ZBTB25: variants seen among roughly 807,000 people sequenced by gnomAD.
ZBTB25 encodes zinc finger and BTB domain containing 25, also known as zinc finger and BTB domain-containing protein 25.
In ZBTB25, 20 loss-of-function variants were observed where a neutral mutation model predicts 34.2. The ratio of observed to expected loss-of-function variants is 0.58; its 90% CI spans 0.41 to 0.85. ZBTB25 has a LOEUF of 0.85. Among genes scored for constraint, ZBTB25 ranks in the 40% least tolerant of loss-of-function variants. The pLI is 0.00. For synonymous variants in ZBTB25, 175 were observed against 186.4 expected, an observed-to-expected ratio of 0.94 and a Z score of 0.50; for missense variants, 437 against 521.8, an observed-to-expected ratio of 0.84 and a Z score of 1.58.
At chr14:64,477,965 C>T (rs1276162920), downstream of ZBTB25, 1 of 152,278 alleles carries the variant, frequency 6.6e-6, no homozygotes, top group Non-Finnish European at 1.5e-5. Context: ...GTTTCCAGGA[C>T]AGTGGGAACA....
At chr14:64,457,949 C>T (rs1294063225) in intron 2 of ZBTB25, 3 of 559,492 alleles carry the variant, frequency 5.4e-6, no homozygotes, top group African/African-American at 3.8e-5. Flanking sequence ...CCCAGGCAAT[C>T]GGATGATCAT....
At chr14:64,457,460 T>A (rs1325386175) in intron 2 of ZBTB25, among the ~76,000 whole-genome samples, 1 of 92,250 alleles carries the variant, frequency 1.1e-5, no homozygotes, top group African/African-American at 4.1e-5. Context: ...TTTCTTTTCC[T>A]TTTTTTTTTT....
At chr14:64,468,817 T>C (rs1566587105) in intron 2 of ZBTB25, 4 of 1,614,174 alleles carry the variant, frequency 2.5e-6, no homozygotes, top group Non-Finnish European at 3.4e-6. Flanking sequence ...GGAGTAATCA[T>C]TCCAAAATTA....
chr14:64,501,942 C>A (rs2079511555), intron 1 of ZBTB25, among the ~76,000 whole-genome samples: 1 of 152,220 alleles, frequency 6.6e-6, no homozygotes, highest in African/African-American at 2.4e-5. Context: ...CATTCCCTTC[C>A]CGGCTGAAAC....
In ZBTB25 at chr14:64,485,971, AT is replaced by A. The variant is rs1380895721; in HGVS notation, c.*951del. ...GTGTATATCTTACTGTTTCTTAAAT[AT>A]TTTTTAATGTCTCTCTGACTCTTCT... On this transcript the variant is annotated 3_prime_UTR_variant, in exon 3 of 3. Coordinates refer to ENST00000608382, the MANE Select transcript of ZBTB25 (RefSeq NM_006977.5). 1.0e-6 allele frequency: 1 copy of A among 984,330 alleles called. No homozygotes were observed. Among genetic ancestry groups the A allele is most frequent in the East Asian group, 1.1e-4 (1 of 8,810 alleles). The allele number at this position is 984,330 out of a possible 1,614,324, so 61.0% of individuals were successfully genotyped here. A position where few individuals can be genotyped will look rare whatever the true frequency, so the allele number is the denominator to read the frequency against.
At chr14:64,453,933 C>T (rs926129922) in intron 2 of ZBTB25, 25 of 919,864 alleles carry the variant, frequency 2.7e-5, no homozygotes, top group Admixed American at 1.1e-4. Flanking sequence ...TCTGGGTCCT[C>T]CCAGCCCTGC....
chr14:64,468,134 T>G (rs1473517316), intron 2 of ZBTB25: 1 of 246,170 alleles, frequency 4.1e-6, no homozygotes, highest in East Asian at 8.2e-5. Flanking sequence ...CTCATCAGGT[T>G]GATCTTTAAA....
intron 2 of ZBTB25, among the ~76,000 whole-genome samples, chr14:64,465,320 A>C (rs2078598964): frequency 6.6e-6 from 1 of 151,768 alleles, no homozygotes; most frequent in South Asian, 2.1e-4. Flanking sequence ...GCGGAGCACG[A>C]TGGGCTTCCC....
chr14:64,475,366 G>A (rs1046457928), downstream of ZBTB25, among the ~76,000 whole-genome samples: 1 of 151,956 alleles, frequency 6.6e-6, no homozygotes, highest in Non-Finnish European at 1.5e-5. Flanking sequence ...GTGAACCCGG[G>A]AGGCAGAGCT....
chr14:64,486,914 G>C lies in ZBTB25; in HGVS notation c.*9C>G, dbSNP rs370702344. 2.6e-6 allele frequency: 4 copies of C among 1,540,386 alleles called. No individual in the cohort carries two copies. Among genetic ancestry groups the C allele is most frequent in the South Asian group, 1.2e-5 (1 of 81,592 alleles). On this transcript the variant is annotated 3_prime_UTR_variant, in exon 3 of 3. Transcript: ENST00000608382. ...CAGAATTGGTATAAAAATTCTGAAA[G>C]AGAAGCTGCTACTCAACTAGGATAG...
At chr14:64,449,866 G>A (rs1430741560) in intron 2 of ZBTB25, among the ~76,000 whole-genome samples, 1 of 152,226 alleles carries the variant, frequency 6.6e-6, no homozygotes, top group Admixed American at 6.5e-5. Context: ...TCAGCTCACT[G>A]CAACCTCTGC....
rs1037139780 is a variant in ZBTB25, at chr14:64,487,004, C to A, written c.1227G>T (p.Leu409Phe). Residue 409 changes from leucine (L) to phenylalanine (F), a missense_variant, in exon 3 of 3, where the codon TTG (leucine) becomes TTT (phenylalanine). Physicochemically the swap from Leu to Phe is conservative, Grantham distance 22 (BLOSUM62 0). Transcript: ENST00000608382. ...AAGGCAAGTCTAAGTGTTCTTGTGA[C>A]AAGCGAGAACTTTTCAGGGAGACAT... Reference protein sequence around the residue: ...WSDVSLKSSRLSQEHLDLPCA... With the variant: ...WSDVSLKSSRFSQEHLDLPCA... The A allele has an allele frequency of 6.2e-7, 1 of 1,614,164 alleles. No homozygotes were observed. Among genetic ancestry groups the A allele is most frequent in the Non-Finnish European group, 8.5e-7 (1 of 1,180,040 alleles).
intron 2 of ZBTB25, chr14:64,461,539 T>A (rs1437399445): frequency 1.3e-5 from 2 of 151,164 alleles, no homozygotes; most frequent in East Asian, 3.9e-4. Flanking sequence ...AGGCCCTGTT[T>A]GCAGAGTTAA....
chr14:64,457,546 C>A (rs1290052024), intron 2 of ZBTB25, among the ~76,000 whole-genome samples: 2 of 151,760 alleles, frequency 1.3e-5, no homozygotes, highest in Non-Finnish European at 2.9e-5. Flanking sequence ...ACCTCCGCCT[C>A]CCAGGTTCAA....
chr14:64,493,133 A>C (rs950042616), intron 1 of ZBTB25, among the ~76,000 whole-genome samples: 4 of 152,252 alleles, frequency 2.6e-5, no homozygotes, highest in Non-Finnish European at 4.4e-5. Context: ...GTCAGTTCAA[A>C]AAGCATACAG....
At chr14:64,504,138 G>GAGGGCGCGGGGCCAGGGAGGCC (rs1226947623), upstream of ZBTB25, 50 of 152,990 alleles carry the variant, frequency 3.3e-4, no homozygotes, top group Non-Finnish European at 6.8e-4. Context: ...GGGAAGGGAT[G>GAGGGCGCGGGGCCAGGGAGGCC]AGGGCGCGGG....
At position 64,492,395 on chromosome 14, in the gene ZBTB25, C is replaced by T. The variant is rs1002355652; in HGVS notation, c.-7-1855G>A. Among the ~76,000 whole-genome samples the T allele has an allele frequency of 2.0e-5, 3 of 151,750 alleles. 1 individual carries two copies. The South Asian group carries it at 6.2e-4, about 32-fold the overall frequency. On this transcript the variant is annotated intron_variant, in intron 1 of 2. Transcript: ENST00000608382. The stretch of plus-strand genomic sequence containing the variant: ...CTAATTTTTGTATTTTTAGTAGAGA[C>T]GGGAGTTCACCATGTTGGCCAGGCT...
chr14:64,464,023 C>T (rs2078584752), intron 2 of ZBTB25, among the ~76,000 whole-genome samples: 1 of 151,834 alleles, frequency 6.6e-6, no homozygotes, highest in Non-Finnish European at 1.5e-5. Context: ...GCTGAGTGAA[C>T]AAGGCTGACT....
At chr14:64,503,307 C>G (rs969196822) in intron 1 of ZBTB25, 99 of 985,306 alleles carry the variant, frequency 1.0e-4, no homozygotes, top group Non-Finnish European at 1.2e-4. Flanking sequence ...TCGGCGCTAC[C>G]CGAGGGAGGC....
Sources: allele counts gnomAD v4.1 joint callset (sites outside exome capture counted in the v4.1 genomes callset), GRCh38; gene constraint gnomAD v4.1.1; transcripts MANE v1.5; gene names NCBI Gene and HGNC (gene_info 2026-07-23, HGNC 2026-07-21).